The following PATL1 variants were observed in gnomAD, a reference collection of about 807,000 sequenced individuals.
PATL1 encodes the protein protein PAT1 homolog 1.
A neutral mutation model predicts 100.6 loss-of-function variants in PATL1; 32 were observed. The ratio of observed to expected loss-of-function variants is 0.32; its 90% CI spans 0.24 to 0.43. The LOEUF is 0.43. Ranked by LOEUF, PATL1 falls within the 20% of genes least tolerant of loss-of-function variation. The probability of loss-of-function intolerance (pLI) is 1.00; values close to 1 mark genes in which losing one functional copy is unlikely to be tolerated. For missense variants in PATL1, 747 were observed against 949.9 expected (o/e 0.79, Z 2.81); for synonymous variants, 332 against 330.0 (o/e 1.01, Z -0.07).
chr11:59,654,381 G>T (rs1590700611), intron 8 of PATL1, among the ~76,000 whole-genome samples: 1 of 151,758 alleles, frequency 6.6e-6, no homozygotes, highest in African/African-American at 2.4e-5. Context: ...GGAGGCTGAG[G>T]CAGTGGAATC....
rs1292288620 is a variant in PATL1, at chr11:59,666,928, C to T, written c.52G>A (p.Ala18Thr). 2.6e-6 allele frequency: 4 copies of T among 1,549,950 alleles called. No homozygotes were observed. Among genetic ancestry groups the T allele is most frequent in the South Asian group, 2.4e-5 (2 of 83,994 alleles). The stretch of plus-strand genomic sequence containing the variant: ...TCTTCTTCTCCCAGTCCCTGAAATG[C>T]ATCTTCATCTTCATCCAGAGGACAA... Reference protein sequence around the residue: ...EDCPLDEDEDAFQGLGEEDEE... With the variant: ...EDCPLDEDEDTFQGLGEEDEE... The change falls in exon 2 of 19, where the codon GCA (alanine) becomes ACA (threonine). Residue 18 changes from alanine to threonine, a missense_variant. Transcript: ENST00000300146.
In PATL1 at chr11:59,638,305, C is replaced by A; in HGVS notation, c.*85G>T. 1.4e-6 allele frequency: 2 copies of A among 1,394,580 alleles called. No homozygotes were observed. The highest frequency in any genetic ancestry group is 2.3e-5 in the East Asian group (1 of 42,930). 86.4% of individuals were successfully genotyped at this position (1,394,580 alleles called of 1,614,324 possible). A position where few individuals can be genotyped will look rare whatever the true frequency, so the allele number is the denominator to read the frequency against. ...TTGCTTTGGGGAAAAAGCTACCTTC[C>A]TTCCCTCATTAAAAACACTCCATTG... On this transcript the variant is annotated 3_prime_UTR_variant, in exon 19 of 19. Coordinates refer to ENST00000300146, the MANE Select transcript of PATL1 (RefSeq NM_152716.3).
chr11:59,668,591 G>A (rs959334343), intron 1 of PATL1, among the ~76,000 whole-genome samples: 5 of 152,018 alleles, frequency 3.3e-5, no homozygotes, highest in African/African-American at 4.8e-5. Context: ...GCTCCTCTAG[G>A]GGTGGGGGCG....
At chr11:59,660,905 T>C (rs1009727689) in intron 2 of PATL1, among the ~76,000 whole-genome samples, 1 of 152,188 alleles carries the variant, frequency 6.6e-6, no homozygotes, top group East Asian at 1.9e-4. Flanking sequence ...GCATTTGGTA[T>C]GTTGGCATCA....
intron 5 of PATL1, 32 bp from the exon 6 acceptor site, chr11:59,656,632 C>T: frequency 6.3e-7 from 1 of 1,579,964 alleles, no homozygotes; most frequent in Non-Finnish European, 8.7e-7. Flanking sequence ...CAACTACACT[C>T]AATGAAATCA....
intron 15 of PATL1, among the ~76,000 whole-genome samples, chr11:59,643,462 G>C (rs1364641700): frequency 1.3e-5 from 2 of 151,800 alleles, no homozygotes; most frequent in African/African-American, 4.8e-5. Flanking sequence ...AGCACTCCAA[G>C]ATAGGTTAAA....
intron 5 of PATL1, 26 bp from the exon 6 acceptor site, chr11:59,656,626 TAC>T (rs1236712508): frequency 6.3e-7 from 1 of 1,587,970 alleles, no homozygotes; most frequent in Non-Finnish European, 8.6e-7. Context: ...TATATACAAC[TAC>T]ACTCAATGAA....
intron 1 of PATL1, among the ~76,000 whole-genome samples, chr11:59,668,151 A>G (rs984456296): frequency 7.2e-5 from 11 of 152,212 alleles, no homozygotes; most frequent in African/African-American, 1.7e-4. Flanking sequence ...AAAATTCTTA[A>G]GGATCATTTA....
chr11:59,642,651 C>CTGA (rs1056815615), intron 16 of PATL1: 5 of 409,678 alleles, frequency 1.2e-5, no homozygotes, highest in African/African-American at 4.1e-5. Flanking sequence ...GCCTGGATCC[C>CTGA]TGATGACTCT....
chr11:59,655,503 G>A lies in PATL1; in HGVS notation c.1031+20C>T, dbSNP rs1228915830. ...AGACTTGGCTGATAACTGATAAACA[G>A]TGGCGTTGATTTTGTATACCTTAGG... On this transcript the variant is annotated intron_variant, in intron 8 of 18. Transcript: ENST00000300146. 57 of 1,521,456 alleles carry A rather than the reference G, an allele frequency of 3.7e-5. No individual in the cohort carries two copies. The highest frequency in any genetic ancestry group is 5.0e-5 in the Non-Finnish European group (56 of 1,122,890). 94.2% of individuals were successfully genotyped at this position (1,521,456 alleles called of 1,614,324 possible). A position where few individuals can be genotyped will look rare whatever the true frequency, so the allele number is the denominator to read the frequency against.
Position 59,657,728 on chromosome 11 carries a change from A to G in PATL1, c.427-4T>C, listed in dbSNP as rs372259488. 51 of 1,555,600 alleles carry G rather than the reference A, an allele frequency of 3.3e-5. No homozygotes were observed. Among genetic ancestry groups the G allele is most frequent in the East Asian group, 3.2e-4 (14 of 43,864 alleles). On this transcript the variant is annotated splice_region_variant and splice_polypyrimidine_tract_variant and intron_variant, in intron 4 of 18. Transcript: ENST00000300146. ...ATACAGACACTGTAGGCATTTCCTA[A>G]TTGAGGAAGTGGTAAAATAAAATAG...
chr11:59,668,765 C>T (rs535454537), intron 1 of PATL1, 116 bp downstream of exon 1: 17 of 560,006 alleles, frequency 3.0e-5, no homozygotes, highest in African/African-American at 2.4e-4. Context: ...CTAAGTCCTG[C>T]GACTCCCCCA....
Position 59,639,068 on chromosome 11 carries a change from G to T in PATL1, c.2271C>A (p.Asn757Lys), listed in dbSNP as rs1261223424. 2 of 1,613,608 alleles carry T rather than the reference G, an allele frequency of 1.2e-6. No individual in the cohort carries two copies. The highest frequency in any genetic ancestry group is 2.7e-5 in the African/African-American group (2 of 74,908). Reference sequence around the variant, plus strand: ...CTTACTGCAGTTTTGTCTCCAGCAAGTTCAGTTTCTGCCGGTCAACATAGC... The same window carrying T: ...CTTACTGCAGTTTTGTCTCCAGCAATTTCAGTTTCTGCCGGTCAACATAGC... ...FSRYVDRQKL[N>K]LLETKLQLVQ... Residue 757 changes from asparagine to lysine, a missense_variant, in exon 18 of 19, where the codon AAC becomes AAA. Transcript: ENST00000300146.
intron 2 of PATL1, among the ~76,000 whole-genome samples, chr11:59,666,578 C>T (rs1257311860): frequency 1.3e-5 from 2 of 151,976 alleles, no homozygotes; most frequent in African/African-American, 4.8e-5. Context: ...CATTTGAATC[C>T]CTCATAGGGG....
chr11:59,658,812 A>G, intron 4 of PATL1, 54 bp downstream of exon 4: 6 of 1,371,466 alleles, frequency 4.4e-6, no homozygotes, highest in Non-Finnish European at 6.0e-6. Flanking sequence ...TGACGACAGG[A>G]ACTTAAAATT....
intron 2 of PATL1, 100 bp downstream of exon 2, chr11:59,666,753 T>G: frequency 1.6e-6 from 2 of 1,237,258 alleles, no homozygotes; most frequent in Non-Finnish European, 2.2e-6. Flanking sequence ...GCCAAGTTAG[T>G]GAATAAGGTT....
chr11:59,668,753 A>G, intron 1 of PATL1, 128 bp downstream of exon 1: 1 of 510,806 alleles, frequency 2.0e-6, no homozygotes, highest in Non-Finnish European at 3.6e-6. Context: ...AGTCGCGTCC[A>G]GCTAAGTCCT....
At chr11:59,667,109 C>T in intron 1 of PATL1, 145 bp from the exon 2 acceptor site, 4 of 1,412,948 alleles carry the variant, frequency 2.8e-6, no homozygotes, top group South Asian at 3.1e-5. Context: ...TTTCTACTTC[C>T]CAATTTCCCT....
chr11:59,648,193 T>A (rs1426660688), intron 14 of PATL1, among the ~76,000 whole-genome samples: 2 of 150,020 alleles, frequency 1.3e-5, no homozygotes, highest in Admixed American at 1.3e-4. Context: ...TTCTTTTTTT[T>A]TTTTTTTTTT....
Sources: gnomAD v4.1 joint callset for allele counts (sites outside exome capture counted in the v4.1 genomes callset) on GRCh38, gnomAD v4.1.1 for gene constraint, MANE v1.5 for transcripts, NCBI Gene and HGNC (gene_info 2026-07-23, HGNC 2026-07-21) for gene names.